The following HSPH1 variants were observed in gnomAD, a reference collection of about 807,000 sequenced individuals.
HSPH1 encodes the protein heat shock protein 105 kDa.
Under a neutral mutation model 100.0 loss-of-function variants are expected in HSPH1, and 40 were observed. The observed-to-expected ratio is 0.40, with a 90% CI of 0.31 to 0.52. The LOEUF is 0.52. HSPH1 is among the 20% of genes least tolerant of loss of function. HSPH1 has a pLI of 0.54. For missense variants in HSPH1, 876 were observed against 1,015.1 expected (o/e 0.86, Z 1.86); for synonymous variants, 403 against 344.0 (o/e 1.17, Z -1.90).
intron 4 of HSPH1, among the ~76,000 whole-genome samples, chr13:31,153,547 C>A (rs1956563519): frequency 6.6e-6 from 1 of 152,170 alleles, no homozygotes; most frequent in South Asian, 2.1e-4. Flanking sequence ...TTTCTTACAG[C>A]ACTGACTTGA....
At chr13:31,149,890 G>T in intron 8 of HSPH1, 64 bp downstream of exon 8, 1 of 1,283,018 alleles carries the variant, frequency 7.8e-7, no homozygotes, top group Non-Finnish European at 1.1e-6. Flanking sequence ...ATCCCACCAT[G>T]ACGACATCCA....
At position 31,137,370 on chromosome 13, in the gene HSPH1, T is replaced by A; in HGVS notation, c.2525A>T (p.Asn842Ile). Reference protein sequence around the residue: ...NNFGAEPPHQNGECYPNEKNS... With the variant: ...NNFGAEPPHQIGECYPNEKNS... Reference sequence around the variant, plus strand: ...TTTCTCATTAGGGTAACATTCACCATTCTGATGTGGAGGTTCAGCACCAAA... The same window carrying A: ...TTTCTCATTAGGGTAACATTCACCAATCTGATGTGGAGGTTCAGCACCAAA... The change falls in exon 18 of 18, where the codon AAT becomes ATT. Residue 842 changes from asparagine (N) to isoleucine (I), a missense_variant. By Grantham distance (149) the Asn-to-Ile change is moderately radical. Transcript: ENST00000320027. The A allele has an allele frequency of 6.2e-7, 1 of 1,613,458 alleles. No homozygotes were observed. Among genetic ancestry groups the A allele is most frequent in the Non-Finnish European group, 8.5e-7 (1 of 1,179,538 alleles).
At position 31,158,031 on chromosome 13, in the gene HSPH1, G is replaced by T. The variant is rs148557536; in HGVS notation, c.165+775C>A. ...TTTCAAATGCTCAATACAGTACATG[G>T]CTACCATATTTTTTAAACAGCACAG... On this transcript the variant is annotated intron_variant, in intron 2 of 17. Coordinates refer to ENST00000320027, the MANE Select transcript of HSPH1 (RefSeq NM_006644.4). Among the ~76,000 whole-genome samples the T allele has an allele frequency of 3.9e-3, 601 of 152,186 alleles. 1 individual carries two copies. Among genetic ancestry groups the T allele is most frequent in the Non-Finnish European group, 5.8e-3 (397 of 68,002 alleles).
intron 4 of HSPH1, 78 bp downstream of exon 4, chr13:31,154,555 C>G: frequency 6.6e-7 from 1 of 1,520,148 alleles, no homozygotes; most frequent in Non-Finnish European, 9.1e-7. Context: ...GAACAGCTTT[C>G]CCACATTTCA....
At chr13:31,149,036 C>CA (rs1566005729) in intron 8 of HSPH1, among the ~76,000 whole-genome samples, 1 of 151,834 alleles carries the variant, frequency 6.6e-6, no homozygotes, top group African/African-American at 2.4e-5. Context: ...CTAAATAGAC[C>CA]AAAAAAGTCA....
intron 1 of HSPH1, among the ~76,000 whole-genome samples, chr13:31,161,000 C>A (rs188507181): frequency 9.8e-4 from 149 of 152,338 alleles, no homozygotes; most frequent in African/African-American, 3.3e-3. Flanking sequence ...AAGAAAAAGG[C>A]CGGCAGCCCC....
In HSPH1 at chr13:31,151,081, G is replaced by A; in HGVS notation, c.774C>T (p.Ser258=). 7 of 1,613,706 alleles carry A rather than the reference G, an allele frequency of 4.3e-6. No individual in the cohort carries two copies. The highest frequency in any genetic ancestry group is 5.9e-6 in the Non-Finnish European group (7 of 1,179,804). The change falls in exon 7 of 18, where the codon TCC becomes TCT. Residue 258 remains serine (S), a synonymous_variant. Coordinates refer to ENST00000320027, the MANE Select transcript of HSPH1 (RefSeq NM_006644.4). ...FKTKYKLDAK[S]KIRALLRLYQ... is the part of the protein sequence containing the mutation. ...ACAGACGTAGGAGTGCTCGTATTTT[G>A]GATTTTGCATCCAACTTGTACTTAG...
At chr13:31,148,310 G>GAA in intron 9 of HSPH1, 64 bp downstream of exon 9, 1 of 1,101,748 alleles carries the variant, frequency 9.1e-7, no homozygotes, top group Non-Finnish European at 1.4e-6. Flanking sequence ...CTCTACTAGA[G>GAA]AAGTCATTTG....
At chr13:31,162,317 C>G, upstream of HSPH1, 1 of 588,718 alleles carries the variant, frequency 1.7e-6, no homozygotes, top group South Asian at 2.0e-5. Flanking sequence ...ACCCCAGACA[C>G]CGGGATGGTG....
At position 31,135,012 on chromosome 13, in the gene HSPH1, A is replaced by G. The variant is rs780437418; in HGVS notation, c.*2306T>C. Reference sequence around the variant, plus strand: ...GACGTTGTTTAGAAATATTGTCACAAAATGACAATTTAAAATGAATTGTAA... The same window carrying G: ...GACGTTGTTTAGAAATATTGTCACAGAATGACAATTTAAAATGAATTGTAA... On this transcript the variant is annotated 3_prime_UTR_variant, in exon 18 of 18. Transcript: ENST00000320027. The G allele has an allele frequency of 1.3e-5, 2 of 152,368 alleles. No individual in the cohort carries two copies. The highest frequency in any genetic ancestry group is 2.9e-5 in the Non-Finnish European group (2 of 68,048). The allele number at this position is 152,368 out of a possible 1,614,324, so 9.4% of individuals were successfully genotyped here.
At chr13:31,138,954 T>C (rs1955985294) in intron 15 of HSPH1, 46 bp downstream of exon 15, 2 of 1,582,348 alleles carry the variant, frequency 1.3e-6, no homozygotes, top group African/African-American at 1.4e-5. Context: ...TTAAAGTCTA[T>C]AGTTTAAAAC....
rs568854861 is a variant in HSPH1, at chr13:31,158,477, A to C, written c.165+329T>G. 2.7e-4 allele frequency among the ~76,000 whole-genome samples: 36 copies of C among 135,128 alleles called. No homozygotes were observed. In the Admixed American group the frequency reaches 3.1e-3, roughly 12 times the overall value. The allele number at this position is 135,128 out of a possible 152,430, so 88.6% of individuals were successfully genotyped here. ...GGCAGGAGAATCGCTTTAACCCGGG[A>C]GGCGGAGGTTGCAGTGAGCCGAGAT... On this transcript the variant is annotated intron_variant, in intron 2 of 17. Coordinates refer to ENST00000320027, the MANE Select transcript of HSPH1 (RefSeq NM_006644.4).
chr13:31,142,477 A>G (rs922309847), intron 12 of HSPH1, among the ~76,000 whole-genome samples: 5 of 152,120 alleles, frequency 3.3e-5, no homozygotes, highest in Admixed American at 2.6e-4. Context: ...CATGAGCCAC[A>G]GGAAAGAAAA....
intron 14 of HSPH1, among the ~76,000 whole-genome samples, chr13:31,139,895 G>A (rs1356425537): frequency 2.6e-5 from 4 of 151,996 alleles, no homozygotes; most frequent in Admixed American, 2.0e-4. Context: ...TTTTAAAAGC[G>A]AAGATTTTTC....
chr13:31,156,409 AT>A (rs1956695397), intron 2 of HSPH1, among the ~76,000 whole-genome samples: 1 of 151,852 alleles, frequency 6.6e-6, no homozygotes, highest in Non-Finnish European at 1.5e-5. Flanking sequence ...AAAAAAGTTA[AT>A]TTTTATAGCT....
intron 12 of HSPH1, among the ~76,000 whole-genome samples, chr13:31,143,222 T>C (rs902496930): frequency 2.6e-5 from 4 of 152,150 alleles, no homozygotes; most frequent in Admixed American, 6.5e-5. Flanking sequence ...TCTTAAAGGT[T>C]TGATTACAAA....
At chr13:31,140,667 C>CT (rs1346989388) in intron 13 of HSPH1, 58 of 175,240 alleles carry the variant, frequency 3.3e-4, no homozygotes, top group Non-Finnish European at 7.1e-5. Flanking sequence ...TCACACCACT[C>CT]TGCCACATTT....
chr13:31,151,830 G>T, intron 5 of HSPH1, 88 bp from the exon 6 acceptor site: 1 of 1,139,388 alleles, frequency 8.8e-7, no homozygotes, highest in Non-Finnish European at 1.3e-6. Flanking sequence ...CAGGAAGCTT[G>T]ACTATTAACT....
At chr13:31,149,835 G>A in intron 8 of HSPH1, 119 bp downstream of exon 8, 3 of 765,640 alleles carry the variant, frequency 3.9e-6, no homozygotes, top group Non-Finnish European at 4.5e-6. Context: ...TTACGGGTTT[G>A]TTTAAAATGT....
Sources: gnomAD v4.1 joint callset for allele counts (sites outside exome capture counted in the v4.1 genomes callset) on GRCh38, gnomAD v4.1.1 for gene constraint, MANE v1.5 for transcripts, NCBI Gene and HGNC (gene_info 2026-07-23, HGNC 2026-07-21) for gene names.